Variants in ABCC2 observed in about 807,000 individuals in gnomAD.
ABCC2 encodes the protein ATP-binding cassette sub-family C member 2.
A neutral mutation model predicts 173.4 loss-of-function variants in ABCC2; 157 were observed. The ratio of observed to expected loss-of-function variants is 0.91; its 90% confidence interval spans 0.80 to 1.03. The LOEUF is 1.03. ABCC2 is among the 50% of genes least tolerant of loss of function. The pLI, the probability that ABCC2 is intolerant of heterozygous loss-of-function variation, is 0.00. For missense variants in ABCC2, 1,822 were observed against 1,852.3 expected (o/e 0.98, Z 0.30); for synonymous variants, 657 against 693.5 (o/e 0.95, Z 0.83).
intron 19 of ABCC2, among the ~76,000 whole-genome samples, chr10:99,826,476 G>A (rs1053199956): frequency 1.4e-4 from 21 of 151,726 alleles, no homozygotes; most frequent in Non-Finnish European, 2.8e-4. Flanking sequence ...GGGCTCTTTC[G>A]AACCTTGTCT....
chr10:99,815,325 T>G (rs1175057087), intron 16 of ABCC2, among the ~76,000 whole-genome samples: 3 of 152,144 alleles, frequency 2.0e-5, no homozygotes, highest in Admixed American at 2.0e-4. Flanking sequence ...TGTACCACAT[T>G]TTCTTTATCC....
intron 8 of ABCC2, 142 bp downstream of exon 8, chr10:99,799,512 C>T: frequency 4.0e-6 from 4 of 1,010,432 alleles, no homozygotes; most frequent in South Asian, 3.9e-5. Flanking sequence ...AACCTTACAG[C>T]ATTGTGTTCA....
chr10:99,786,324 T>A (rs1204275269), intron 2 of ABCC2, among the ~76,000 whole-genome samples: 3 of 152,112 alleles, frequency 2.0e-5, no homozygotes, highest in Non-Finnish European at 2.9e-5. Flanking sequence ...GAAACATATG[T>A]TAGACTTTGA....
intron 19 of ABCC2, 39 bp downstream of exon 19, chr10:99,819,308 A>G (rs1400812165): frequency 1.3e-6 from 2 of 1,580,090 alleles, no homozygotes; most frequent in Non-Finnish European, 1.7e-6. Flanking sequence ...AACTTGGGCC[A>G]TGGGTGGAAT....
intron 8 of ABCC2, 108 bp from the exon 9 acceptor site, chr10:99,800,278 T>C: frequency 8.3e-7 from 1 of 1,206,646 alleles, no homozygotes; most frequent in South Asian, 1.2e-5. Flanking sequence ...TTCTGGTCAC[T>C]TTTGTTACCT....
intron 19 of ABCC2, among the ~76,000 whole-genome samples, chr10:99,829,793 AT>A (rs1416745728): frequency 1.3e-5 from 2 of 152,116 alleles, no homozygotes; most frequent in African/African-American, 4.8e-5. Context: ...CACCCTGCTA[AT>A]TTTTAAATTT....
intron 13 of ABCC2, 29 bp downstream of exon 13, chr10:99,808,258 C>G: frequency 6.2e-7 from 1 of 1,613,240 alleles, no homozygotes; most frequent in Non-Finnish European, 8.5e-7. Flanking sequence ...TGCTAACTCC[C>G]TGTCTCTGGT....
In ABCC2 at chr10:99,814,307, A is replaced by ACG. The variant is rs1490806177; in HGVS notation, c.2094+1163_2094+1164insCG. Among the ~76,000 whole-genome samples the ACG allele has an allele frequency of 3.9e-4, 17 of 43,810 alleles. No homozygotes were observed. The South Asian group carries it at 5.3e-3, about 14-fold the overall frequency. 28.7% of individuals were successfully genotyped at this position (43,810 alleles called of 152,430 possible). On this transcript the variant is annotated intron_variant, in intron 16 of 31. Coordinates refer to ENST00000647814, the MANE Select transcript of ABCC2 (RefSeq NM_000392.5). ...TATACACACACGTATGTATACACACATGTATATACACACGTATGTATACAC... is the reference window on the plus strand; with the variant it reads ...TATACACACACGTATGTATACACACACGTGTATATACACACGTATGTATACAC...
intron 19 of ABCC2, among the ~76,000 whole-genome samples, chr10:99,829,226 C>T (rs930916538): frequency 1.3e-5 from 2 of 152,144 alleles, no homozygotes; most frequent in African/African-American, 4.8e-5. Flanking sequence ...CACTCTGCCC[C>T]CTCCAGTGGC....
intron 17 of ABCC2, 130 bp downstream of exon 17, chr10:99,817,614 A>G: frequency 9.9e-7 from 1 of 1,011,436 alleles, no homozygotes; most frequent in Admixed American, 2.0e-5. Context: ...AATAAACACC[A>G]GAAATCATGT....
chr10:99,799,297 A>C lies in ABCC2; in HGVS notation c.958A>C (p.Met320Leu). Reference protein sequence around the residue: ...LMKALFKTFYMVLLKSFLLKL... With the variant: ...LMKALFKTFYLVLLKSFLLKL... ...GAAGGCTCTGTTCAAAACTTTCTAC[A>C]TGGTGCTCCTGAAATCATTCCTACT... The change falls in exon 8 of 32, where the codon ATG becomes CTG. Residue 320 changes from methionine to leucine, a missense_variant. Coordinates refer to ENST00000647814, the MANE Select transcript of ABCC2 (RefSeq NM_000392.5). 1 of 1,614,148 alleles carries C rather than the reference A, an allele frequency of 6.2e-7. No individual in the cohort carries two copies.
In ABCC2 at chr10:99,814,113, G is replaced by GTGTA. The variant is rs796616504; in HGVS notation, c.2094+970_2094+971insGTAT. 1.8e-4 allele frequency among the ~76,000 whole-genome samples: 19 copies of GTGTA among 105,436 alleles called. 4 individuals are homozygous for GTGTA. Among genetic ancestry groups the GTGTA allele is most frequent in the African/African-American group, 4.8e-4 (13 of 27,188 alleles). 69.2% of individuals were successfully genotyped at this position (105,436 alleles called of 152,430 possible). A position where few individuals can be genotyped will look rare whatever the true frequency, so the allele number is the denominator to read the frequency against. On this transcript the variant is annotated intron_variant, in intron 16 of 31. Transcript: ENST00000647814. Reference sequence around the variant, plus strand: ...TACACATATATATACACACATATGTGTATATACACACATATGTGTGTATAT... The same window carrying GTGTA: ...TACACATATATATACACACATATGTGTGTATATATACACACATATGTGTGTATAT...
At chr10:99,831,549 A>C in intron 21 of ABCC2, 62 bp from the exon 22 acceptor site, 1 of 1,518,638 alleles carries the variant, frequency 6.6e-7, no homozygotes, top group Non-Finnish European at 9.1e-7. Context: ...TTGGCATTCT[A>C]GGTGATTCCT....
rs369429349 is a variant in ABCC2, at chr10:99,850,646, G to T, written c.4358G>T (p.Arg1453Leu). The change falls in exon 31 of 32, where the codon CGG becomes CTG. Residue 1453 changes from arginine to leucine, a missense_variant. Coordinates refer to ENST00000647814, the MANE Select transcript of ABCC2 (RefSeq NM_000392.5). ...CTGTGCCTGGGCAGGGCTCTGCTTC[G>T]GAAATCCAAGATCCTGGTCCTGGAT... is the stretch of plus-strand genomic sequence containing the variant. ...QLLCLGRALL[R>L]KSKILVLDEA... 1 of 1,614,190 alleles carries T rather than the reference G, an allele frequency of 6.2e-7. No homozygotes were observed. The highest frequency in any genetic ancestry group is 8.5e-7 in the Non-Finnish European group (1 of 1,180,040).
At chr10:99,848,863 A>G (rs1021513096) in intron 30 of ABCC2, among the ~76,000 whole-genome samples, 2 of 152,224 alleles carry the variant, frequency 1.3e-5, no homozygotes, top group African/African-American at 4.8e-5. Flanking sequence ...CAGATCTAGC[A>G]ACTAGCAGGA....
rs377066139 is a variant in ABCC2 at position 99,827,939 on chromosome 10, G to A, written c.2621-2368G>A. On this transcript the variant is annotated intron_variant, in intron 19 of 31. Coordinates refer to ENST00000647814, the MANE Select transcript of ABCC2 (RefSeq NM_000392.5). ...GAGCGTACCTTCACCCTAGAGAAAA[G>A]CCTCCACGTTGGGCACCAGATGAAG... 5.9e-3 allele frequency among the ~76,000 whole-genome samples: 9 copies of A among 1,528 alleles called. No individual in the cohort carries two copies. In the East Asian group the frequency reaches 0.12, roughly 21 times the overall value. The allele number at this position is 1,528 out of a possible 152,430, so 1.0% of individuals were successfully genotyped here. A position where few individuals can be genotyped will look rare whatever the true frequency, so the allele number is the denominator to read the frequency against.
chr10:99,802,229 G>C (rs1384366895), intron 9 of ABCC2, among the ~76,000 whole-genome samples: 1 of 152,156 alleles, frequency 6.6e-6, no homozygotes, highest in African/African-American at 2.4e-5. Flanking sequence ...TATTAGAAGA[G>C]TGGAAGAAAA....
At chr10:99,835,725 C>T (rs562498769) in intron 24 of ABCC2, among the ~76,000 whole-genome samples, 45 of 152,150 alleles carry the variant, frequency 3.0e-4, no homozygotes, top group Non-Finnish European at 5.1e-4. Flanking sequence ...TTACAAAATC[C>T]TTTTGGGGAC....
At chr10:99,834,178 G>T (rs773116478) in intron 23 of ABCC2, among the ~76,000 whole-genome samples, 22 of 152,170 alleles carry the variant, frequency 1.4e-4, no homozygotes, top group Non-Finnish European at 2.6e-4. Flanking sequence ...ACCACGCCAG[G>T]CCTAAATGAA....
Sources: allele counts gnomAD v4.1 joint callset (sites outside exome capture counted in the v4.1 genomes callset), GRCh38; gene constraint gnomAD v4.1.1; transcripts MANE v1.5; gene names NCBI Gene and HGNC (gene_info 2026-07-23, HGNC 2026-07-21).